ARHGAP17: variants seen among roughly 807,000 people sequenced by gnomAD.
The protein encoded by ARHGAP17 is rho GTPase-activating protein 17.
A neutral mutation model predicts 99.5 loss-of-function variants in ARHGAP17; 57 were observed. The observed-to-expected ratio is 0.57, with a 90% CI of 0.46 to 0.71. The LOEUF is 0.71. Ranked by LOEUF, ARHGAP17 falls within the 30% of genes least tolerant of loss-of-function variation. The pLI, the probability that ARHGAP17 is intolerant of heterozygous loss-of-function variation, is 0.00. For missense variants in ARHGAP17, 1,000 were observed against 1,122.4 expected, an observed-to-expected ratio of 0.89 and a Z score of 1.56; for synonymous variants, 417 against 429.6, an observed-to-expected ratio of 0.97 and a Z score of 0.36.
chr16:24,967,549 T>C (rs1290896232), intron 6 of ARHGAP17, among the ~76,000 whole-genome samples: 5 of 152,166 alleles, frequency 3.3e-5, no homozygotes. Flanking sequence ...CCACGGCTCA[T>C]GGCTGTAATC....
At chr16:24,964,425 T>G in intron 6 of ARHGAP17, 117 bp from the exon 7 acceptor site, 10 of 722,578 alleles carry the variant, frequency 1.4e-5, no homozygotes, top group Non-Finnish European at 2.4e-5. Flanking sequence ...GGAAGGGGTA[T>G]CATTGCCCAG....
intron 18 of ARHGAP17, among the ~76,000 whole-genome samples, chr16:24,933,225 TC>T (rs1225411606): frequency 6.6e-6 from 1 of 151,182 alleles, no homozygotes; most frequent in African/African-American, 2.5e-5. Flanking sequence ...GGGTAAAGTC[TC>T]GGTGGCTCAT....
In ARHGAP17 at chr16:24,968,327, T is replaced by G. The variant is rs746431504; in HGVS notation, c.461+24A>C. 29 of 1,612,522 alleles carry G rather than the reference T, an allele frequency of 1.8e-5. No homozygotes were observed. In the Middle Eastern group the frequency reaches 4.9e-4, roughly 27 times the overall value. Reference sequence around the variant, plus strand: ...CCGTGGTGGGAATGGGACACAATGCTGCATTGCTGGCTCAAGCTGTTACCT... The same window carrying G: ...CCGTGGTGGGAATGGGACACAATGCGGCATTGCTGGCTCAAGCTGTTACCT... On this transcript the variant is annotated intron_variant, in intron 6 of 19. Transcript: ENST00000289968.
chr16:24,970,707 G>A, intron 3 of ARHGAP17, 127 bp from the exon 4 acceptor site: 1 of 815,714 alleles, frequency 1.2e-6, no homozygotes, highest in Non-Finnish European at 2.1e-6. Flanking sequence ...CAGCCTGTCT[G>A]GGTTCAGGTT....
At chr16:24,980,352 C>G (rs1247313253) in intron 1 of ARHGAP17, among the ~76,000 whole-genome samples, 1 of 152,210 alleles carries the variant, frequency 6.6e-6, no homozygotes, top group East Asian at 1.9e-4. Context: ...CCCAGTCAAC[C>G]TGGAGATGCC....
chr16:24,937,217 A>T (rs1355189476), intron 17 of ARHGAP17, among the ~76,000 whole-genome samples: 1 of 151,814 alleles, frequency 6.6e-6, no homozygotes, highest in African/African-American at 2.4e-5. Flanking sequence ...AGGTCAGGAC[A>T]TCGCGACCAG....
intron 19 of ARHGAP17, among the ~76,000 whole-genome samples, chr16:24,922,225 G>T (rs1241898188): frequency 1.3e-5 from 2 of 152,230 alleles, no homozygotes; most frequent in Non-Finnish European, 2.9e-5. Context: ...TCAGCCCAGA[G>T]TTTACCAGAA....
intron 1 of ARHGAP17, among the ~76,000 whole-genome samples, chr16:24,993,545 C>G (rs377375631): frequency 6.7e-6 from 1 of 149,902 alleles, no homozygotes; most frequent in African/African-American, 2.5e-5. Context: ...GCTGAGATTG[C>G]ACCACTGCAC....
chr16:24,930,562 G>A (rs1597361579), intron 19 of ARHGAP17: 2 of 835,182 alleles, frequency 2.4e-6, no homozygotes, highest in African/African-American at 1.7e-5. Context: ...ACCCAGCTCT[G>A]CTGTTTCAGC....
chr16:24,959,541 A>T, intron 9 of ARHGAP17, 130 bp downstream of exon 9: 1 of 826,308 alleles, frequency 1.2e-6, no homozygotes, highest in Non-Finnish European at 1.9e-6. Context: ...TTATGCTGGG[A>T]AACAGTACCC....
At chr16:24,986,886 T>C (rs1371822418) in intron 1 of ARHGAP17, among the ~76,000 whole-genome samples, 1 of 152,230 alleles carries the variant, frequency 6.6e-6, no homozygotes, top group Non-Finnish European at 1.5e-5. Flanking sequence ...CTGCCTCTGA[T>C]AATTCAGTCC....
intron 1 of ARHGAP17, among the ~76,000 whole-genome samples, chr16:25,004,262 A>T (rs376634032): frequency 1.2e-4 from 19 of 152,182 alleles, no homozygotes; most frequent in African/African-American, 4.3e-4. Context: ...TGCCTCCATG[A>T]AAAAATTTGT....
At chr16:24,998,647 T>C (rs527957166) in intron 1 of ARHGAP17, among the ~76,000 whole-genome samples, 70 of 152,320 alleles carry the variant, frequency 4.6e-4, no homozygotes, top group African/African-American at 1.7e-3. Context: ...GACGGCAGCA[T>C]TCATTCAGCC....
chr16:25,015,356 C>T lies in ARHGAP17; in HGVS notation c.-95G>A. The stretch of plus-strand genomic sequence containing the variant: ...CATCGCTTCCCGGCCCAAACGGCGG[C>T]GCGGCGGTGGCTCCCCGGGCCGGCG... On this transcript the variant is annotated 5_prime_UTR_variant, in exon 1 of 20. Transcript: ENST00000289968. The T allele has an allele frequency of 8.7e-7, 1 of 1,145,268 alleles. No individual in the cohort carries two copies. The highest frequency in any genetic ancestry group is 1.1e-6 in the Non-Finnish European group (1 of 914,048). The allele number at this position is 1,145,268 out of a possible 1,614,324, so 70.9% of individuals were successfully genotyped here.
chr16:24,989,302 C>A (rs1261915135), intron 1 of ARHGAP17, among the ~76,000 whole-genome samples: 1 of 152,176 alleles, frequency 6.6e-6, no homozygotes, highest in Admixed American at 6.5e-5. Context: ...CCCATAAAAA[C>A]AGGTTGTAAA....
In ARHGAP17 at chr16:24,970,545, C is replaced by T; in HGVS notation, c.234G>A (p.Met78Ile). Residue 78 changes from methionine to isoleucine, a missense_variant, in exon 4 of 20, where the codon ATG becomes ATA. Met to Ile is a conservative substitution (Grantham distance 10). This residue lies in a region of ARHGAP17 where 472 missense variants were observed against 611.1 expected (regional missense o/e 0.77). Transcript: ENST00000289968. The stretch of plus-strand genomic sequence containing the variant: ...CTTCCAGCTGAGTCGATGCTTCTTG[C>T]ATATTTTGAGCAAGAGCTGTCAGAG... ...KLPLTALAQN[M>I]QEASTQLEDS... The T allele has an allele frequency of 2.5e-6, 4 of 1,614,210 alleles. No individual in the cohort carries two copies. Among genetic ancestry groups the T allele is most frequent in the Non-Finnish European group, 3.4e-6 (4 of 1,180,028 alleles).
At chr16:24,947,423 T>C in intron 14 of ARHGAP17, 59 bp downstream of exon 14, 12 of 1,411,174 alleles carry the variant, frequency 8.5e-6, no homozygotes, top group Non-Finnish European at 1.2e-5. Context: ...GTTACATTTC[T>C]ATGCATCCCA....
At chr16:24,983,719 T>C (rs1034289343) in intron 1 of ARHGAP17, among the ~76,000 whole-genome samples, 4 of 152,228 alleles carry the variant, frequency 2.6e-5, no homozygotes, top group Non-Finnish European at 4.4e-5. Flanking sequence ...ACTTGAATGT[T>C]TCCTGTCTGC....
intron 1 of ARHGAP17, among the ~76,000 whole-genome samples, chr16:24,996,649 T>G (rs2053200977): frequency 6.6e-6 from 1 of 151,994 alleles, no homozygotes; most frequent in African/African-American, 2.4e-5. Flanking sequence ...ATGCAGGGAG[T>G]CAAAGCCCCG....
Sources: allele counts gnomAD v4.1 joint callset (sites outside exome capture counted in the v4.1 genomes callset), GRCh38; gene constraint gnomAD v4.1.1; regional missense constraint gnomAD v4.1.1; transcripts MANE v1.5; gene names NCBI Gene and HGNC (gene_info 2026-07-23, HGNC 2026-07-21).